LPGAT1: variants seen among roughly 807,000 people sequenced by gnomAD.
LPGAT1 encodes acyl-CoA:lysophosphatidylglycerol acyltransferase 1.
Under a neutral mutation model 47.5 loss-of-function variants are expected in LPGAT1, and 11 were observed. That is an observed-to-expected ratio of 0.23 (90% confidence interval 0.15 to 0.38). LPGAT1 has a LOEUF of 0.38. Ranked by LOEUF, LPGAT1 falls within the 10% of genes least tolerant of loss-of-function variation. The probability of loss-of-function intolerance (pLI) is 1.00; values close to 1 mark genes in which losing one functional copy is unlikely to be tolerated. For missense variants in LPGAT1, 293 were observed against 439.0 expected, an observed-to-expected ratio of 0.67 and a Z score of 2.97; for synonymous variants, 138 against 144.2, an observed-to-expected ratio of 0.96 and a Z score of 0.31.
chr1:211,807,798 C>G (rs945638796), intron 2 of LPGAT1, among the ~76,000 whole-genome samples: 1 of 152,070 alleles, frequency 6.6e-6, no homozygotes, highest in African/African-American at 2.4e-5. Flanking sequence ...GAAGAAAACA[C>G]AGGAGAAAAT....
At chr1:211,760,075 T>C (rs918787977) in intron 6 of LPGAT1, among the ~76,000 whole-genome samples, 15 of 152,256 alleles carry the variant, frequency 9.9e-5, no homozygotes, top group Non-Finnish European at 2.1e-4. Flanking sequence ...CACTTAGGTA[T>C]AGAGGATGGC....
At chr1:211,809,105 T>G (rs1659870166) in intron 2 of LPGAT1, among the ~76,000 whole-genome samples, 1 of 151,552 alleles carries the variant, frequency 6.6e-6, no homozygotes, top group South Asian at 2.1e-4. Flanking sequence ...CTCGGAAGGC[T>G]GAGGCAGGAG....
chr1:211,785,046 G>GC (rs1301388179), intron 4 of LPGAT1, among the ~76,000 whole-genome samples: 9 of 151,924 alleles, frequency 5.9e-5, no homozygotes, highest in African/African-American at 1.9e-4. Context: ...CTTGTGATCT[G>GC]CCCCCCTTGG....
Position 211,743,981 on chromosome 1 carries a change from T to C in LPGAT1, c.*5918A>G, listed in dbSNP as rs559560399. 6.6e-6 allele frequency: 1 copy of C among 152,348 alleles called. No homozygotes were observed. The highest frequency in any genetic ancestry group is 6.5e-5 in the Admixed American group (1 of 15,302). 9.4% of individuals were successfully genotyped at this position (152,348 alleles called of 1,614,324 possible). The stretch of plus-strand genomic sequence containing the variant: ...TCTTAGAGATGCCTATACCACAGTT[T>C]ACTTAGCTTTGAGAAATGAAAAGTA... On this transcript the variant is annotated 3_prime_UTR_variant, in exon 8 of 8. Transcript: ENST00000366997.
In LPGAT1 at chr1:211,750,908, G is replaced by A. The variant is rs1400037013; in HGVS notation, c.961+53C>T. On this transcript the variant is annotated intron_variant, in intron 7 of 7. Transcript: ENST00000366997. ...TATGCAAACAGCTTTCTTTAAAAGA[G>A]GCTTTCATTACTGTTGCTATAATTT... 8.6e-6 allele frequency: 11 copies of A among 1,285,770 alleles called. No individual in the cohort carries two copies. The Admixed American group carries it at 2.0e-4, about 24-fold the overall frequency. 79.6% of individuals were successfully genotyped at this position (1,285,770 alleles called of 1,614,324 possible).
At chr1:211,804,781 G>T (rs949002712) in intron 2 of LPGAT1, among the ~76,000 whole-genome samples, 3 of 152,080 alleles carry the variant, frequency 2.0e-5, no homozygotes, top group Admixed American at 1.3e-4. Context: ...ACAAACCAAA[G>T]AACTAATGGG....
intron 6 of LPGAT1, among the ~76,000 whole-genome samples, chr1:211,777,636 T>A (rs1474595480): frequency 6.6e-6 from 1 of 152,238 alleles, no homozygotes; most frequent in Non-Finnish European, 1.5e-5. Flanking sequence ...ATTAAAATGT[T>A]AAAAATTTAA....
chr1:211,761,122 T>C (rs953361130), intron 6 of LPGAT1, among the ~76,000 whole-genome samples: 1 of 152,226 alleles, frequency 6.6e-6, no homozygotes, highest in Non-Finnish European at 1.5e-5. Context: ...ATTTCTGCTT[T>C]GTTGACACTC....
chr1:211,759,181 T>C (rs1234591992), intron 6 of LPGAT1, among the ~76,000 whole-genome samples: 3 of 152,360 alleles, frequency 2.0e-5, no homozygotes, highest in African/African-American at 4.8e-5. Flanking sequence ...GTCAATGTTA[T>C]GCTATCCCGA....
intron 2 of LPGAT1, among the ~76,000 whole-genome samples, chr1:211,815,928 G>A (rs1005069845): frequency 1.3e-5 from 2 of 151,754 alleles, no homozygotes; most frequent in Admixed American, 6.6e-5. Flanking sequence ...ACAGGCGCCC[G>A]CCACCACGCC....
chr1:211,789,474 A>G (rs1156714434), intron 3 of LPGAT1, among the ~76,000 whole-genome samples: 1 of 152,216 alleles, frequency 6.6e-6, no homozygotes, highest in African/African-American at 2.4e-5. Flanking sequence ...GGGAAATGTT[A>G]TAAGTCAATA....
In LPGAT1 at chr1:211,747,377, A is replaced by G. The variant is rs1656985971; in HGVS notation, c.*2522T>C. ...CGGAGATATTTAAAAAAATTAACTC[A>G]CATATCTATTGGCATTTGTCACCCT... On this transcript the variant is annotated 3_prime_UTR_variant, in exon 8 of 8. Coordinates refer to ENST00000366997, the MANE Select transcript of LPGAT1 (RefSeq NM_014873.3). The G allele has an allele frequency of 6.6e-6, 1 of 152,222 alleles. No individual in the cohort carries two copies. The highest frequency in any genetic ancestry group is 2.4e-5 in the African/African-American group (1 of 41,454). The allele number at this position is 152,222 out of a possible 1,614,324, so 9.4% of individuals were successfully genotyped here. A position where few individuals can be genotyped will look rare whatever the true frequency, so the allele number is the denominator to read the frequency against.
intron 5 of LPGAT1, 127 bp downstream of exon 5, chr1:211,783,100 TAC>T (rs577649333): frequency 3.0e-4 from 253 of 840,600 alleles, no homozygotes; most frequent in Non-Finnish European, 3.9e-4. Context: ...TTTAAAAAAT[TAC>T]AGTTTCATCT....
chr1:211,745,459 A>G lies in LPGAT1; in HGVS notation c.*4440T>C, dbSNP rs1343369514. ...ATTTGTGCATCACAGTCATGTGTTCAACAGTTTTACACAATAAAAATAAAG... is the reference window on the plus strand; with the variant it reads ...ATTTGTGCATCACAGTCATGTGTTCGACAGTTTTACACAATAAAAATAAAG... On this transcript the variant is annotated 3_prime_UTR_variant, in exon 8 of 8. Transcript: ENST00000366997. The G allele has an allele frequency of 6.6e-6, 1 of 152,238 alleles. No individual in the cohort carries two copies. The highest frequency in any genetic ancestry group is 2.4e-5 in the African/African-American group (1 of 41,466). 9.4% of individuals were successfully genotyped at this position (152,238 alleles called of 1,614,324 possible).
At chr1:211,765,076 A>G (rs1268416954) in intron 6 of LPGAT1, among the ~76,000 whole-genome samples, 1 of 152,208 alleles carries the variant, frequency 6.6e-6, no homozygotes, top group Non-Finnish European at 1.5e-5. Context: ...TTGCTGATTG[A>G]GCAGAAGTGA....
chr1:211,756,050 A>G (rs1304485375), intron 6 of LPGAT1, among the ~76,000 whole-genome samples: 1 of 152,186 alleles, frequency 6.6e-6, no homozygotes, highest in African/African-American at 2.4e-5. Context: ...AGCCTGGCCA[A>G]TATGGTGAAA....
chr1:211,776,931 A>G (rs1004768830), intron 6 of LPGAT1, among the ~76,000 whole-genome samples: 13 of 152,290 alleles, frequency 8.5e-5, no homozygotes, highest in East Asian at 1.9e-4. Flanking sequence ...TTTTCTTGCC[A>G]ACCTCCTCAC....
At chr1:211,794,574 G>C (rs1354570913) in intron 2 of LPGAT1, among the ~76,000 whole-genome samples, 1 of 152,122 alleles carries the variant, frequency 6.6e-6, no homozygotes, top group African/African-American at 2.4e-5. Context: ...TCAAAGTATT[G>C]ACATTACAGA....
intron 6 of LPGAT1, among the ~76,000 whole-genome samples, chr1:211,775,081 G>T (rs1030601548): frequency 3.3e-5 from 5 of 152,092 alleles, no homozygotes; most frequent in Non-Finnish European, 7.3e-5. Context: ...GTTCCAGTGA[G>T]GTACAGAACA....
Sources: allele counts gnomAD v4.1 joint callset (sites outside exome capture counted in the v4.1 genomes callset), GRCh38; gene constraint gnomAD v4.1.1; transcripts MANE v1.5; gene names NCBI Gene and HGNC (gene_info 2026-07-23, HGNC 2026-07-21).